The following RBM4 variants were observed in gnomAD, a reference collection of about 807,000 sequenced individuals.
RBM4 encodes the protein RNA-binding protein 4.
A neutral mutation model predicts 29.5 loss-of-function variants in RBM4; 7 were observed. The ratio of observed to expected loss-of-function variants is 0.24; its 90% CI spans 0.14 to 0.45. RBM4 has a LOEUF of 0.45. Ranked by LOEUF, RBM4 falls within the 20% of genes least tolerant of loss-of-function variation. The pLI, the probability that RBM4 is intolerant of heterozygous loss-of-function variation, is 1.00. For missense variants in RBM4, 387 were observed against 502.3 expected (o/e 0.77, Z 2.19); for synonymous variants, 220 against 205.4 (o/e 1.07, Z -0.61).
chr11:66,655,473 G>T (rs867273787), intron 2 of RBM4, among the ~76,000 whole-genome samples: 24 of 151,874 alleles, frequency 1.6e-4, no homozygotes, highest in African/African-American at 5.8e-4. Flanking sequence ...GTAGATACAG[G>T]GTTTCGCTAT....
rs1385762222 is a variant in RBM4, at chr11:66,643,394, G to A, written c.413-56G>A. 3 of 1,551,904 alleles carry A rather than the reference G, an allele frequency of 1.9e-6. No individual in the cohort carries two copies. The highest frequency in any genetic ancestry group is 2.6e-6 in the Non-Finnish European group (3 of 1,145,126). ...TTGCTATGACCAGTGTCTGGGGTAG[G>A]GGCTGGGGCTATGACTAAGAGTGAT... On this transcript the variant is annotated intron_variant, in intron 2 of 3. Transcript: ENST00000310092. This position sits in a 1 kb window ranked among gnomAD's most constrained non-coding sequence, Gnocchi z 6.1.
downstream of RBM4, among the ~76,000 whole-genome samples, chr11:66,649,308 T>C (rs1361461548): frequency 1.3e-5 from 2 of 152,222 alleles, no homozygotes; most frequent in African/African-American, 4.8e-5. Context: ...TTAAGCTATT[T>C]ATTGACTTGT....
downstream of RBM4, among the ~76,000 whole-genome samples, chr11:66,648,095 ACTC>A (rs998666262): frequency 2.6e-5 from 4 of 152,058 alleles, no homozygotes; most frequent in Non-Finnish European, 5.9e-5. Flanking sequence ...AATCCCGGCT[ACTC>A]AGGAGGCTGA....
chr11:66,656,697 A>G (rs549381931), intron 2 of RBM4, among the ~76,000 whole-genome samples: 4 of 150,992 alleles, frequency 2.6e-5, no homozygotes, highest in African/African-American at 7.3e-5. Context: ...GTCTCACTCT[A>G]TTGCCCAGGC....
intron 2 of RBM4, among the ~76,000 whole-genome samples, chr11:66,656,091 C>A (rs1478016944): frequency 6.6e-6 from 1 of 152,286 alleles, no homozygotes; most frequent in South Asian, 2.1e-4. Flanking sequence ...CTTCCTCAGC[C>A]TCCTGAGTAG....
At chr11:66,646,539 G>T (rs758752532), downstream of RBM4, 2 of 987,240 alleles carry the variant, frequency 2.0e-6, no homozygotes, top group South Asian at 4.7e-5. Flanking sequence ...GAAGGGGAGG[G>T]TATAAAGTTT....
At chr11:66,645,416 C>T (rs1047964334) in intron 3 of RBM4, among the ~76,000 whole-genome samples, 2 of 152,050 alleles carry the variant, frequency 1.3e-5, no homozygotes, top group Admixed American at 6.6e-5. Context: ...TGTGGCTTTC[C>T]CAGGGTCATT....
At chr11:66,662,273 A>T (rs1386079742) in intron 2 of RBM4, among the ~76,000 whole-genome samples, 2 of 152,216 alleles carry the variant, frequency 1.3e-5, no homozygotes, top group Non-Finnish European at 2.9e-5. Context: ...AGTAGCCACA[A>T]ATTGGACAGC....
At chr11:66,666,173 G>T in exon 3 of RBM4, 1 of 801,984 alleles carries the variant, frequency 1.2e-6, no homozygotes, top group Non-Finnish European at 1.8e-6. Flanking sequence ...AATCTCCCTT[G>T]CCAAATCAAA....
chr11:66,643,547 C>G lies in RBM4; in HGVS notation c.510C>G (p.His170Gln), dbSNP rs1938559882. The change falls in exon 3 of 4, where the codon CAC becomes CAG. Residue 170 changes from histidine (H) to glutamine (Q), a missense_variant. Around this residue, in one of 2 missense-constraint regions of RBM4, gnomAD observed 281 missense variants for 288.7 expected, o/e 0.97. Coordinates refer to ENST00000310092, the MANE Select transcript of RBM4 (RefSeq NM_002896.4). The surrounding 1 kb of genome is among the most constrained non-coding windows in gnomAD (Gnocchi z 6.1). Reference sequence around the variant, plus strand: ...GCTATCGGTGCGGGAAAGAGGGGCACTGGTCCAAAGAGTGTCCGATAGATC... The same window carrying G: ...GCTATCGGTGCGGGAAAGAGGGGCAGTGGTCCAAAGAGTGTCCGATAGATC... The part of the protein sequence containing the change: ...SGCYRCGKEG[H>Q]WSKECPIDRS... The G allele has an allele frequency of 1.2e-6, 2 of 1,614,006 alleles. No individual in the cohort carries two copies. The highest frequency in any genetic ancestry group is 1.7e-6 in the Non-Finnish European group (2 of 1,180,024).
At chr11:66,640,983 A>G (rs1048942475) in intron 2 of RBM4, 4 of 152,194 alleles carry the variant, frequency 2.6e-5, no homozygotes, top group Non-Finnish European at 4.4e-5. Context: ...TTGGGATGCT[A>G]AAATGGTACG....
rs569121818 is a variant in RBM4 at position 66,646,178 on chromosome 11, C to CTTCCT, written c.*176_*180dup. On this transcript the variant is annotated 3_prime_UTR_variant, in exon 4 of 4. Transcript: ENST00000310092. ...TTACCTTGCTAAGTTCAGACCTTCT[C>CTTCCT]TTCCTTTCCTTTCCTTTCCTCTCCT... 1.0e-4 allele frequency: 153 copies of CTTCCT among 1,494,004 alleles called. 1 individual carries two copies. Among genetic ancestry groups the CTTCCT allele is most frequent in the South Asian group, 5.9e-4 (47 of 79,126 alleles). 92.5% of individuals were successfully genotyped at this position (1,494,004 alleles called of 1,614,324 possible).
At chr11:66,640,227 G>C (rs1272085845) in intron 2 of RBM4, 104 bp downstream of exon 2, 2 of 1,468,934 alleles carry the variant, frequency 1.4e-6, no homozygotes, top group Admixed American at 3.6e-5. Flanking sequence ...CTGTTGGCTG[G>C]CTGGTGATGA....
chr11:66,656,190 G>A (rs1259820386), intron 2 of RBM4, among the ~76,000 whole-genome samples: 1 of 152,096 alleles, frequency 6.6e-6, no homozygotes, highest in South Asian at 2.1e-4. Context: ...AGGCTGGAGT[G>A]CAGTGGCACA....
downstream of RBM4, among the ~76,000 whole-genome samples, chr11:66,650,687 C>G (rs943813229): frequency 3.3e-5 from 5 of 151,544 alleles, no homozygotes; most frequent in African/African-American, 7.3e-5. Flanking sequence ...CAAGGTGAAA[C>G]TCCATCTCTA....
chr11:66,668,368 T>C, exon 3 of RBM4: 1 of 453,896 alleles, frequency 2.2e-6, no homozygotes, highest in East Asian at 3.4e-5. Context: ...TAAAGAATGT[T>C]CTCACTAACA....
rs555535650 is a variant in RBM4, at chr11:66,655,076, C to G, written c.413-10780C>G. ...TCTCGGCTCACTGCAACCTCTGCCTCCTAGGTTCAAGCGATTCTCCTGCCT... is the reference window on the plus strand; with the variant it reads ...TCTCGGCTCACTGCAACCTCTGCCTGCTAGGTTCAAGCGATTCTCCTGCCT... On this transcript the variant is annotated intron_variant, in intron 2 of 2. Coordinates refer to the RBM4 transcript ENST00000396053. Among the ~76,000 whole-genome samples, 3 of 152,018 alleles carry G rather than the reference C, an allele frequency of 2.0e-5. 1 individual carries two copies. The South Asian group carries it at 6.2e-4, about 32-fold the overall frequency.
chr11:66,645,136 A>G (rs1218982149), intron 3 of RBM4, among the ~76,000 whole-genome samples: 1 of 152,178 alleles, frequency 6.6e-6, no homozygotes, highest in Non-Finnish European at 1.5e-5. Context: ...CTCTTGAGCC[A>G]GCAGCTCTAC....
At chr11:66,653,107 T>A (rs928891522) in intron 2 of RBM4, among the ~76,000 whole-genome samples, 1 of 152,166 alleles carries the variant, frequency 6.6e-6, no homozygotes, top group South Asian at 2.1e-4. Flanking sequence ...TATTCAGATA[T>A]GCAACAAGAT....
Sources: gnomAD v4.1 joint callset for allele counts (sites outside exome capture counted in the v4.1 genomes callset) on GRCh38, gnomAD v4.1.1 for gene constraint, gnomAD v4.1.1 regional missense constraint, Gnocchi (gnomAD v3.1) non-coding constraint, MANE v1.5 for transcripts, NCBI Gene and HGNC (gene_info 2026-07-23, HGNC 2026-07-21) for gene names.